CTDP1: variants seen among roughly 807,000 people sequenced by gnomAD.
CTDP1 encodes the protein CTD phosphatase 1, also known as RNA polymerase II subunit A C-terminal domain phosphatase.
CTDP1 carries 47 observed loss-of-function variants against 91.8 expected under a neutral mutation model. The observed-to-expected ratio is 0.51, with a 90% confidence interval of 0.41 to 0.65. CTDP1 has a LOEUF of 0.65. Among genes scored for constraint, CTDP1 ranks in the 30% least tolerant of loss-of-function variants. The pLI is 0.00. For synonymous variants in CTDP1, 656 were observed against 598.5 expected (o/e 1.10, Z -1.40); for missense variants, 1,272 against 1,373.7 (o/e 0.93, Z 1.17).
At chr18:79,737,075 C>T (rs779998743) in intron 12 of CTDP1, among the ~76,000 whole-genome samples, 3 of 152,230 alleles carry the variant, frequency 2.0e-5, no homozygotes, top group East Asian at 1.9e-4. Flanking sequence ...CTCCAGCGTG[C>T]GGTCTGTGGG....
chr18:79,732,739 A>G (rs1438767462), intron 11 of CTDP1, among the ~76,000 whole-genome samples: 3 of 151,834 alleles, frequency 2.0e-5, no homozygotes, highest in Non-Finnish European at 4.4e-5. Flanking sequence ...ATCACGAGAC[A>G]TAAGAACTCA....
At chr18:79,688,054 C>T (rs748378234) in intron 1 of CTDP1, among the ~76,000 whole-genome samples, 22 of 152,206 alleles carry the variant, frequency 1.4e-4, no homozygotes, top group Non-Finnish European at 2.5e-4. Context: ...ATTCCTCAGA[C>T]GTTGTGCTTT....
chr18:79,751,491 CTT>C, intron 12 of CTDP1, among the ~76,000 whole-genome samples: 1 of 152,302 alleles, frequency 6.6e-6, no homozygotes, highest in East Asian at 1.9e-4. Flanking sequence ...TCTGAACGAG[CTT>C]GTCGTGACTG....
At chr18:79,748,371 G>T (rs751446321) in intron 12 of CTDP1, among the ~76,000 whole-genome samples, 1 of 152,224 alleles carries the variant, frequency 6.6e-6, no homozygotes, top group Non-Finnish European at 1.5e-5. Context: ...AGGAGGGACC[G>T]CGCAGGGCCT....
intron 12 of CTDP1, among the ~76,000 whole-genome samples, chr18:79,743,513 G>A (rs1435246014): frequency 3.3e-5 from 4 of 122,510 alleles, no homozygotes; most frequent in Admixed American, 9.6e-5. Context: ...ACAACGGAGT[G>A]AGACTCCGTC....
intron 11 of CTDP1, among the ~76,000 whole-genome samples, chr18:79,733,489 G>A (rs773418281): frequency 2.0e-5 from 3 of 152,176 alleles, no homozygotes; most frequent in Non-Finnish European, 4.4e-5. Flanking sequence ...AGCCTGCTGG[G>A]CCCCAGAGCC....
chr18:79,679,495 C>A, upstream of CTDP1: 2 of 456,990 alleles, frequency 4.4e-6, no homozygotes, highest in Non-Finnish European at 8.8e-6. Context: ...GGCACGCAGG[C>A]CTGCGTTGAA....
intron 1 of CTDP1, among the ~76,000 whole-genome samples, chr18:79,690,652 C>G (rs764342990): frequency 1.3e-5 from 2 of 152,192 alleles, no homozygotes; most frequent in African/African-American, 2.4e-5. Context: ...TCTCTGCTCC[C>G]TGTCTGCACG....
chr18:79,750,668 CTTTTTTTTTTTTTT>C (rs749153854), intron 12 of CTDP1, among the ~76,000 whole-genome samples: 1 of 94,230 alleles, frequency 1.1e-5, no homozygotes, highest in African/African-American at 4.1e-5. Context: ...TAATTTTTTG[CTTTTTTTTTTTTTT>C]TTTTTTTTTA....
intron 1 of CTDP1, chr18:79,683,220 A>C (rs1237088783): frequency 6.6e-6 from 1 of 152,078 alleles, no homozygotes; most frequent in Non-Finnish European, 1.5e-5. Context: ...TATCTTGACC[A>C]CCTCTAAAAG....
At chr18:79,692,712 G>A (rs926392149) in intron 1 of CTDP1, among the ~76,000 whole-genome samples, 2 of 152,022 alleles carry the variant, frequency 1.3e-5, no homozygotes, top group East Asian at 1.9e-4. Context: ...GGTGTCCTGC[G>A]TGGGGCAGAG....
At chr18:79,708,888 G>A (rs1420048596) in intron 5 of CTDP1, among the ~76,000 whole-genome samples, 1 of 152,166 alleles carries the variant, frequency 6.6e-6, no homozygotes, top group East Asian at 1.9e-4. Context: ...ATTCATTCCC[G>A]CACCTTATAT....
At chr18:79,719,242 G>A (rs1002674966) in intron 10 of CTDP1, among the ~76,000 whole-genome samples, 5 of 152,140 alleles carry the variant, frequency 3.3e-5, no homozygotes, top group Admixed American at 6.5e-5. Flanking sequence ...TGCCCCTCTC[G>A]GCTGATTTCA....
rs370478840 is a variant in CTDP1 at position 79,718,538 on chromosome 18, G to A, written c.2417+522G>A. ...ATTGGACTGGAAGGCGTTGGTAGCC[G>A]GGATCTGTGCTGCCCTGGAGTGGGG... is the stretch of plus-strand genomic sequence containing the variant. On this transcript the variant is annotated intron_variant, in intron 10 of 12. Transcript: ENST00000613122. Among the ~76,000 whole-genome samples, 15 of 152,138 alleles carry A rather than the reference G, an allele frequency of 9.9e-5. No individual in the cohort carries two copies. The East Asian group carries it at 2.1e-3, about 22-fold the overall frequency.
At chr18:79,745,214 A>G (rs1274156187) in intron 12 of CTDP1, among the ~76,000 whole-genome samples, 1 of 151,664 alleles carries the variant, frequency 6.6e-6, no homozygotes, top group Non-Finnish European at 1.5e-5. Flanking sequence ...GTCAGCACAC[A>G]TACGTGTTTG....
intron 12 of CTDP1, among the ~76,000 whole-genome samples, chr18:79,742,011 C>G (rs1218306496): frequency 6.6e-6 from 1 of 152,206 alleles, no homozygotes; most frequent in Non-Finnish European, 1.5e-5. Flanking sequence ...TACCTAGGCA[C>G]ATCCCAGTGG....
rs553018081 is a variant in CTDP1, at chr18:79,700,614, C to A, written c.621+2626C>A. ...ATGAGGGTGAAGGAAGAAGCCGTCT[C>A]CGTAACACAAAAGTGAAGGTGAAGC... On this transcript the variant is annotated intron_variant, in intron 4 of 12. Transcript: ENST00000613122. Among the ~76,000 whole-genome samples, 15 of 152,332 alleles carry A rather than the reference C, an allele frequency of 9.8e-5. No homozygotes were observed. In the South Asian group the frequency reaches 2.7e-3, roughly 27 times the overall value.
intron 8 of CTDP1, among the ~76,000 whole-genome samples, chr18:79,716,429 AGT>A (rs2086210034): frequency 6.6e-6 from 1 of 152,228 alleles, no homozygotes; most frequent in Non-Finnish European, 1.5e-5. Context: ...GTTCCATCTC[AGT>A]GTGAAATAGC....
rs756038396 is a variant in CTDP1, at chr18:79,718,004, C to A, written c.2405C>A (p.Pro802His). The A allele has an allele frequency of 6.2e-7, 1 of 1,613,266 alleles. No individual in the cohort carries two copies. Among genetic ancestry groups the A allele is most frequent in the Non-Finnish European group, 8.5e-7 (1 of 1,179,890 alleles). The change falls in exon 10 of 13, where the codon CCC (proline) becomes CAC (histidine). Residue 802 changes from proline (P) to histidine (H), a missense_variant. Around this residue, in one of 3 missense-constraint regions of CTDP1, gnomAD observed 881 missense variants for 911.6 expected, o/e 0.97. Transcript: ENST00000613122. ...PSSSLPIRQE[P>H]SSFRAVPPPQ... ...AGCTCCCTACCCATCCGCCAGGAGC[C>A]CTCTTCCTTCAGGTACGTGGCGGCC...
Sources: gnomAD v4.1 joint callset for allele counts (sites outside exome capture counted in the v4.1 genomes callset) on GRCh38, gnomAD v4.1.1 for gene constraint, gnomAD v4.1.1 regional missense constraint, MANE v1.5 for transcripts, NCBI Gene and HGNC (gene_info 2026-07-23, HGNC 2026-07-21) for gene names.